PHF10: variants seen among roughly 807,000 people sequenced by gnomAD.
PHF10 encodes the protein BRG1-associated factor 45a.
A neutral mutation model predicts 68.5 loss-of-function variants in PHF10; 51 were observed. The ratio of observed to expected loss-of-function variants is 0.74; its 90% CI spans 0.59 to 0.94. PHF10 has a LOEUF of 0.94. Among genes scored for constraint, PHF10 ranks in the 40% least tolerant of loss-of-function variants. PHF10 has a pLI of 0.00. For missense variants in PHF10, 460 were observed against 602.6 expected (o/e 0.76, Z 2.48); for synonymous variants, 204 against 203.5 (o/e 1.00, Z -0.02).
chr6:169,710,042 C>A (rs955798094), intron 9 of PHF10, 194 bp downstream of exon 9: 6 of 444,624 alleles, frequency 1.3e-5, no homozygotes, highest in African/African-American at 1.2e-4. Context: ...AGAAGGTAAA[C>A]CATAGCCAAA....
In PHF10 at chr6:169,712,417, C is replaced by T. The variant is rs748714902; in HGVS notation, c.926G>A (p.Gly309Asp). ...GCCTTTATTTTTCCGTTTCTCATCA[C>T]CTCGACCATCTTCGCCATCATCTGA... Reference protein sequence around the residue: ...GDSDDGEDGRGDEKRKNKGTS... With the variant: ...GDSDDGEDGRDDEKRKNKGTS... The change falls in exon 8 of 12, where the codon GGT (glycine) becomes GAT (aspartate). Residue 309 changes from glycine (G) to aspartate (D), a missense_variant. Physicochemically the swap from Gly to Asp is moderately conservative, Grantham distance 94. Around this residue, in one of 3 missense-constraint regions of PHF10, gnomAD observed 256 missense variants for 410.5 expected, o/e 0.62. Transcript: ENST00000339209. 3.1e-6 allele frequency: 5 copies of T among 1,614,006 alleles called. No homozygotes were observed. In the African/African-American group the frequency reaches 6.7e-5, roughly 22 times the overall value.
chr6:169,708,111 C>G (rs2128329139), intron 9 of PHF10: 1 of 152,280 alleles, frequency 6.6e-6, no homozygotes, highest in Admixed American at 6.5e-5. Context: ...GCAACATCAT[C>G]AGAGTATCAC....
chr6:169,707,082 T>C (rs750394790), intron 9 of PHF10: 4 of 152,142 alleles, frequency 2.6e-5, no homozygotes, highest in African/African-American at 4.8e-5. Flanking sequence ...TATACATAAA[T>C]AGAATAAAAA....
In PHF10 at chr6:169,717,827, A is replaced by C; in HGVS notation, c.405T>G (p.Thr135=). ...ACATTAAAAAGCTATTCTTACCTAG[A>C]GTGCACTGAGTTTCAGTAATGACAT... ...ELNVITETQC[T]LGLTALRSDE... The change falls in exon 4 of 12, where the codon ACT becomes ACG. Residue 135 remains threonine (T), a synonymous_variant. Transcript: ENST00000339209. 1 of 1,413,320 alleles carries C rather than the reference A, an allele frequency of 7.1e-7. No homozygotes were observed. Among genetic ancestry groups the C allele is most frequent in the Non-Finnish European group, 1.0e-6 (1 of 1,004,148 alleles). The allele number at this position is 1,413,320 out of a possible 1,614,324, so 87.5% of individuals were successfully genotyped here. A position where few individuals can be genotyped will look rare whatever the true frequency, so the allele number is the denominator to read the frequency against.
intron 6 of PHF10, 23 bp downstream of exon 6, chr6:169,715,685 G>T (rs770791768): frequency 6.3e-7 from 1 of 1,599,188 alleles, no homozygotes; most frequent in East Asian, 2.2e-5. Context: ...AGTTCAGGGG[G>T]TACTAAATTT....
At position 169,710,216 on chromosome 6, in the gene PHF10, C is replaced by A; in HGVS notation, c.1113+20G>T. The stretch of plus-strand genomic sequence containing the variant: ...AGGCTGGTCAGTAAAGAAGCTGAGT[C>A]AGGGGCTTTTTTCTTCTACCTTGTA... On this transcript the variant is annotated intron_variant, in intron 9 of 11. Transcript: ENST00000339209. 6.4e-7 allele frequency: 1 copy of A among 1,562,266 alleles called. No homozygotes were observed. Among genetic ancestry groups the A allele is most frequent in the South Asian group, 1.2e-5 (1 of 81,878 alleles).
At chr6:169,712,314 A>G (rs1238721225) in intron 8 of PHF10, 72 bp downstream of exon 8, 4 of 1,258,862 alleles carry the variant, frequency 3.2e-6, no homozygotes, top group Non-Finnish European at 3.5e-6. Flanking sequence ...GGAGAGGGTG[A>G]TGACAGAAAT....
chr6:169,710,413 C>CA (rs1253091426), intron 8 of PHF10, 22 bp from the exon 9 acceptor site: 1 of 1,585,402 alleles, frequency 6.3e-7, no homozygotes. Flanking sequence ...AAGGCAAAAA[C>CA]AAAGATTCTT....
intron 2 of PHF10, among the ~76,000 whole-genome samples, chr6:169,719,898 A>G (rs2128331204): frequency 6.6e-6 from 1 of 152,178 alleles, no homozygotes; most frequent in South Asian, 2.1e-4. Context: ...AACCCACAGA[A>G]CAGGAGAAAA....
chr6:169,707,422 C>T (rs1198188795), intron 9 of PHF10: 1 of 152,186 alleles, frequency 6.6e-6, no homozygotes, highest in Non-Finnish European at 1.5e-5. Flanking sequence ...CAGCAGAATG[C>T]TCTCTCTTAA....
At chr6:169,709,508 T>C (rs1332182110) in intron 9 of PHF10, 1 of 152,138 alleles carries the variant, frequency 6.6e-6, no homozygotes, top group East Asian at 1.9e-4. Flanking sequence ...ATCTCTCACC[T>C]CACCTTTTCT....
chr6:169,712,450 T>G lies in PHF10; in HGVS notation c.893A>C (p.Asp298Ala). ...LDPELPALDS[D>A]GDSDDGEDGR... ...ATCTTCGCCATCATCTGAATCACCA[T>G]CACTGTCTAGAGCAGGGAGCTCAGG... Residue 298 changes from aspartate to alanine, a missense_variant, in exon 8 of 12, where the codon GAT becomes GCT. Transcript: ENST00000339209. 6.2e-7 allele frequency: 1 copy of G among 1,613,910 alleles called. No individual in the cohort carries two copies. The highest frequency in any genetic ancestry group is 2.2e-5 in the East Asian group (1 of 44,884).
chr6:169,723,453 A>C (rs1180249042), intron 1 of PHF10, among the ~76,000 whole-genome samples: 3 of 152,228 alleles, frequency 2.0e-5, no homozygotes, highest in African/African-American at 7.2e-5. Flanking sequence ...GTAAGCGTTC[A>C]AACACTTCGG....
At chr6:169,721,642 C>A (rs1180610319) in intron 1 of PHF10, among the ~76,000 whole-genome samples, 1 of 151,606 alleles carries the variant, frequency 6.6e-6, no homozygotes, top group Admixed American at 6.6e-5. Context: ...GCAGCACACA[C>A]ACCAAAAAAA....
intron 1 of PHF10, 42 bp downstream of exon 1, chr6:169,723,803 C>T: frequency 3.0e-6 from 2 of 677,752 alleles, no homozygotes; most frequent in Non-Finnish European, 3.9e-6. Context: ...CACCCAGGCC[C>T]GGGACGGGGT....
At chr6:169,719,383 T>C (rs1314378495) in intron 2 of PHF10, 1 of 153,834 alleles carries the variant, frequency 6.5e-6, no homozygotes, top group Non-Finnish European at 1.4e-5. Flanking sequence ...CAGTGCATCA[T>C]ATCATAAACC....
chr6:169,706,222 T>A (rs967929263), intron 9 of PHF10, among the ~76,000 whole-genome samples: 1 of 151,670 alleles, frequency 6.6e-6, no homozygotes, highest in Non-Finnish European at 1.5e-5. Context: ...TAGTGGTATT[T>A]AAAAAAAAAT....
intron 5 of PHF10, 40 bp from the exon 6 acceptor site, chr6:169,715,897 T>C (rs1357489732): frequency 6.3e-7 from 1 of 1,596,878 alleles, no homozygotes; most frequent in Admixed American, 1.7e-5. Flanking sequence ...CATATAACTT[T>C]CTAAAATGTC....
intron 11 of PHF10, chr6:169,704,745 T>TA (rs1484679489): frequency 5.7e-6 from 1 of 175,516 alleles, no homozygotes; most frequent in Non-Finnish European, 1.3e-5. Flanking sequence ...TCTGGAATTG[T>TA]CATGCTGCCT....
Sources: gnomAD v4.1 joint callset for allele counts (sites outside exome capture counted in the v4.1 genomes callset) on GRCh38, gnomAD v4.1.1 for gene constraint, gnomAD v4.1.1 regional missense constraint, MANE v1.5 for transcripts, NCBI Gene and HGNC (gene_info 2026-07-23, HGNC 2026-07-21) for gene names.